Variants in HSD17B11 observed in about 807,000 individuals in gnomAD.
The protein encoded by HSD17B11 is estradiol 17-beta-dehydrogenase 11.
A neutral mutation model predicts 27.8 loss-of-function variants in HSD17B11; 22 were observed. That is an observed-to-expected ratio of 0.79 (90% CI 0.56 to 1.13). The LOEUF is 1.13. Ranked by LOEUF, HSD17B11 falls within the 50% of genes most tolerant of loss-of-function variation. The pLI is 0.00. For synonymous variants in HSD17B11, 117 were observed against 132.8 expected (o/e 0.88, Z 0.82); for missense variants, 314 against 351.1 (o/e 0.89, Z 0.84).
At chr4:87,343,928 A>C (rs1430597750) in intron 5 of HSD17B11, among the ~76,000 whole-genome samples, 1 of 152,170 alleles carries the variant, frequency 6.6e-6, no homozygotes, top group East Asian at 1.9e-4. Flanking sequence ...GCAGTGGCAA[A>C]TGTTTAACCA....
intron 1 of HSD17B11, among the ~76,000 whole-genome samples, chr4:87,386,697 T>C (rs948987819): frequency 2.6e-5 from 4 of 152,216 alleles, no homozygotes; most frequent in Non-Finnish European, 5.9e-5. Flanking sequence ...AATATGTTTG[T>C]CTATTGGTAC....
At position 87,391,154 on chromosome 4, in the gene HSD17B11, A is replaced by G; in HGVS notation, c.-84T>C. The G allele has an allele frequency of 1.0e-6, 1 of 985,238 alleles. No individual in the cohort carries two copies. 61.0% of individuals were successfully genotyped at this position (985,238 alleles called of 1,614,324 possible). A position where few individuals can be genotyped will look rare whatever the true frequency, so the allele number is the denominator to read the frequency against. On this transcript the variant is annotated 5_prime_UTR_variant, in exon 1 of 7. Transcript: ENST00000358290. ...CTTTTAGAGGGTAGCTCGATCTAAC[A>G]CCAGAAAGAGTAGGGGCGAGAGCAA...
chr4:87,364,307 T>G lies in HSD17B11; in HGVS notation c.558-6891A>C, dbSNP rs187119790. Among the ~76,000 whole-genome samples, 484 of 151,992 alleles carry G rather than the reference T, an allele frequency of 3.2e-3. 3 individuals carry two copies. Among genetic ancestry groups the G allele is most frequent in the African/African-American group, 0.011 (447 of 41,466 alleles). ...AAAAAGAAAAAAAACCCCTCTGTTT[T>G]CCTCATGAGACCCCAAGAATTAAAA... On this transcript the variant is annotated intron_variant, in intron 4 of 6. Transcript: ENST00000358290.
At chr4:87,357,504 T>C in intron 4 of HSD17B11, 88 bp from the exon 5 acceptor site, 2 of 1,257,964 alleles carry the variant, frequency 1.6e-6, no homozygotes, top group Non-Finnish European at 2.2e-6. Context: ...TGCAGAGCAA[T>C]GTGGGCATTC....
intron 6 of HSD17B11, among the ~76,000 whole-genome samples, chr4:87,339,108 C>T (rs56258452): frequency 0.12 from 17,699 of 152,186 alleles, 1,329 homozygotes; most frequent in Non-Finnish European, 0.16. Context: ...CTTCAAAATG[C>T]AGAGCATACA....
intron 5 of HSD17B11, among the ~76,000 whole-genome samples, chr4:87,355,728 A>G (rs146699024): frequency 0.014 from 2,194 of 152,198 alleles, 47 homozygotes; most frequent in African/African-American, 0.05. Context: ...ACGTGGCGAA[A>G]CCCCATCTCT....
intron 1 of HSD17B11, among the ~76,000 whole-genome samples, chr4:87,384,268 G>T (rs1386850772): frequency 2.6e-5 from 4 of 152,136 alleles, no homozygotes; most frequent in Non-Finnish European, 5.9e-5. Context: ...ATCTTCATAA[G>T]CTGAGGATGT....
At chr4:87,363,740 C>G (rs921828457) in intron 4 of HSD17B11, among the ~76,000 whole-genome samples, 6 of 152,214 alleles carry the variant, frequency 3.9e-5, no homozygotes, top group African/African-American at 1.4e-4. Context: ...AAGAAATAGA[C>G]ACTGCCCAGA....
At chr4:87,376,468 G>A (rs1175982479) in intron 2 of HSD17B11, among the ~76,000 whole-genome samples, 1 of 138,548 alleles carries the variant, frequency 7.2e-6, no homozygotes, top group African/African-American at 2.7e-5. Flanking sequence ...TCGTGCCACT[G>A]TGCTGCAGCC....
intron 2 of HSD17B11, among the ~76,000 whole-genome samples, chr4:87,379,315 A>G (rs1378965001): frequency 1.3e-5 from 2 of 151,068 alleles, no homozygotes; most frequent in African/African-American, 4.9e-5. Context: ...TCTATAAAGC[A>G]TTATTTGCCT....
intron 3 of HSD17B11, chr4:87,374,456 T>G (rs779358264): frequency 2.1e-4 from 62 of 293,120 alleles, no homozygotes; most frequent in Non-Finnish European, 3.5e-4. Context: ...TAGCTTAGAA[T>G]TAAAACATAT....
intron 5 of HSD17B11, among the ~76,000 whole-genome samples, chr4:87,342,381 CAAA>C (rs543558458): frequency 0.043 from 3,188 of 74,310 alleles, 127 homozygotes; most frequent in African/African-American, 0.11. Flanking sequence ...AACTTCGCTG[CAAA>C]AAAAAAAAAA....
At position 87,374,779 on chromosome 4, in the gene HSD17B11, C is replaced by T; in HGVS notation, c.370G>A (p.Val124Ile). 6.3e-7 allele frequency: 1 copy of T among 1,593,906 alleles called. No homozygotes were observed. Among genetic ancestry groups the T allele is most frequent in the Non-Finnish European group, 8.6e-7 (1 of 1,168,486 alleles). ...VSILVNNAGV[V>I]YTSDLFATQD... ...GTAGCAAACAAATCTGATGTATAGA[C>T]TACACCAGCATTATTTACTAAAATA... is the stretch of plus-strand genomic sequence containing the variant. The change falls in exon 3 of 7, where the codon GTC becomes ATC. Residue 124 changes from valine (V) to isoleucine (I), a missense_variant. Coordinates refer to ENST00000358290, the MANE Select transcript of HSD17B11 (RefSeq NM_016245.5).
intron 4 of HSD17B11, among the ~76,000 whole-genome samples, chr4:87,367,409 C>A (rs1489133357): frequency 3.3e-5 from 5 of 152,204 alleles, no homozygotes; most frequent in African/African-American, 1.2e-4. Flanking sequence ...TTTTACCCAA[C>A]TCATAGGTAT....
intron 5 of HSD17B11, 29 bp from the exon 6 acceptor site, chr4:87,340,635 A>C: frequency 6.9e-7 from 1 of 1,447,744 alleles, no homozygotes; most frequent in South Asian, 1.2e-5. Flanking sequence ...TTCAGAAACA[A>C]AATACTTCAC....
At chr4:87,367,038 A>T (rs1560764716) in intron 4 of HSD17B11, among the ~76,000 whole-genome samples, 1 of 152,214 alleles carries the variant, frequency 6.6e-6, no homozygotes, top group Non-Finnish European at 1.5e-5. Flanking sequence ...TCCTATGAAC[A>T]AAATTTGAAA....
chr4:87,339,858 A>G (rs1035096513), intron 6 of HSD17B11, among the ~76,000 whole-genome samples: 2 of 152,212 alleles, frequency 1.3e-5, no homozygotes, highest in African/African-American at 4.8e-5. Flanking sequence ...TCCAGTGTGC[A>G]CCAAAGTTGA....
intron 5 of HSD17B11, among the ~76,000 whole-genome samples, chr4:87,346,947 G>C (rs1735281790): frequency 1.3e-5 from 2 of 151,374 alleles, no homozygotes; most frequent in Non-Finnish European, 2.9e-5. Flanking sequence ...AAATAACTGA[G>C]CTTAAAAAAA....
chr4:87,357,949 A>ATTTTTTTTTTTTTTTTTTTTTTTT (rs57139706), intron 4 of HSD17B11, among the ~76,000 whole-genome samples: 7 of 80,238 alleles, frequency 8.7e-5, no homozygotes, highest in African/African-American at 8.5e-5. Context: ...CATTAGAGAA[A>ATTTTTTTTTTTTTTTTTTTTTTTT]TTTTTTTTTT....
Sources: allele counts gnomAD v4.1 joint callset (sites outside exome capture counted in the v4.1 genomes callset), GRCh38; gene constraint gnomAD v4.1.1; transcripts MANE v1.5; gene names NCBI Gene and HGNC (gene_info 2026-07-23, HGNC 2026-07-21).